ADCY2: variants seen among roughly 807,000 people sequenced by gnomAD.
ADCY2 encodes adenylate cyclase 2.
In ADCY2, 31 loss-of-function variants were observed where a neutral mutation model predicts 125.2. The ratio of observed to expected loss-of-function variants is 0.25; its 90% CI spans 0.19 to 0.33. The LOEUF (loss-of-function observed/expected upper bound fraction) is 0.33. ADCY2 is among the 10% of genes least tolerant of loss of function. The pLI, the probability that ADCY2 is intolerant of heterozygous loss-of-function variation, is 1.00. For synonymous variants in ADCY2, 512 were observed against 548.4 expected (o/e 0.93, Z 0.93); for missense variants, 904 against 1,418.2 (o/e 0.64, Z 5.82).
chr5:7,414,962 G>A (rs1186226764), intron 2 of ADCY2, among the ~76,000 whole-genome samples, 192 bp downstream of exon 2: 1 of 150,854 alleles, frequency 6.6e-6, no homozygotes, highest in Non-Finnish European at 1.5e-5. Flanking sequence ...TGGGGTACAA[G>A]GTATATGTAT....
intron 3 of ADCY2, among the ~76,000 whole-genome samples, chr5:7,623,321 G>A (rs1027094533): frequency 6.6e-6 from 1 of 152,200 alleles, no homozygotes; most frequent in African/African-American, 2.4e-5. Context: ...TAAGGAAGGA[G>A]TTAGTATTTT....
intron 3 of ADCY2, among the ~76,000 whole-genome samples, chr5:7,587,084 A>G (rs1248748385): frequency 6.6e-6 from 1 of 152,058 alleles, no homozygotes; most frequent in Non-Finnish European, 1.5e-5. Context: ...GAGTGTCTAG[A>G]GTTATAGACC....
chr5:7,479,687 T>G (rs1742656981), intron 2 of ADCY2, among the ~76,000 whole-genome samples: 1 of 152,130 alleles, frequency 6.6e-6, no homozygotes, highest in African/African-American at 2.4e-5. Context: ...TAGGTCTTAT[T>G]TATTCTTTAA....
chr5:7,623,805 A>T (rs1452730924), intron 3 of ADCY2, among the ~76,000 whole-genome samples: 8 of 152,174 alleles, frequency 5.3e-5, no homozygotes, highest in Admixed American at 5.2e-4. Context: ...CTGCACACAC[A>T]TCACTCAAGC....
intron 4 of ADCY2, among the ~76,000 whole-genome samples, chr5:7,629,273 G>T (rs2126661400): frequency 6.6e-6 from 1 of 152,304 alleles, no homozygotes; most frequent in African/African-American, 2.4e-5. Flanking sequence ...TCCTTGGAGA[G>T]GATACAGTGG....
At chr5:7,760,059 G>T (rs908119227) in intron 16 of ADCY2, among the ~76,000 whole-genome samples, 1 of 152,176 alleles carries the variant, frequency 6.6e-6, no homozygotes. Context: ...GACACACCAC[G>T]AGCCACAAGA....
rs903933252 is a variant in ADCY2 at position 7,488,736 on chromosome 5, C to T, written c.409-32002C>T. On this transcript the variant is annotated intron_variant, in intron 2 of 24. Transcript: ENST00000338316. ...AATGGGAATTTCTCCCAAGGCCCTT[C>T]CCACGAGGCCAGTGTCCTGAGCATT... Among the ~76,000 whole-genome samples, 9 of 152,156 alleles carry T rather than the reference C, an allele frequency of 5.9e-5. 1 individual carries two copies. The highest frequency in any genetic ancestry group is 5.2e-4 in the Admixed American group (8 of 15,284).
At chr5:7,552,178 G>T (rs147324073) in intron 3 of ADCY2, among the ~76,000 whole-genome samples, 3 of 152,194 alleles carry the variant, frequency 2.0e-5, no homozygotes, top group East Asian at 1.9e-4. Flanking sequence ...GTATAGAAAG[G>T]GTTCTTTCAT....
intron 3 of ADCY2, among the ~76,000 whole-genome samples, chr5:7,603,154 A>C (rs894329039): frequency 1.8e-4 from 27 of 152,186 alleles, no homozygotes; most frequent in Non-Finnish European, 2.9e-5. Flanking sequence ...CTTACCACAG[A>C]GGCCGTTCCT....
chr5:7,720,621 C>T (rs1741729010), intron 12 of ADCY2, among the ~76,000 whole-genome samples: 1 of 151,924 alleles, frequency 6.6e-6, no homozygotes, highest in African/African-American at 2.4e-5. Flanking sequence ...TGTTCAGTTC[C>T]CACCTATGAG....
chr5:7,668,748 C>T (rs1425832252), intron 4 of ADCY2, among the ~76,000 whole-genome samples: 1 of 152,110 alleles, frequency 6.6e-6, no homozygotes. Context: ...GTTTTCTTGT[C>T]TTTCATCTTC....
chr5:7,641,486 GAT>G (rs200440986), intron 4 of ADCY2, among the ~76,000 whole-genome samples: 1 of 151,816 alleles, frequency 6.6e-6, no homozygotes. Flanking sequence ...CCTTTGTCAA[GAT>G]ATATATATAT....
intron 2 of ADCY2, among the ~76,000 whole-genome samples, chr5:7,443,606 C>A (rs1741096070): frequency 7.9e-6 from 1 of 127,278 alleles, no homozygotes; most frequent in Non-Finnish European, 1.6e-5. Context: ...CGCCACTGCA[C>A]TCCAGCCTGG....
intron 2 of ADCY2, among the ~76,000 whole-genome samples, chr5:7,424,400 C>T (rs1740315989): frequency 6.6e-6 from 1 of 152,264 alleles, no homozygotes; most frequent in South Asian, 2.1e-4. Context: ...CAAAGTCACA[C>T]AGTGAGGAAG....
At chr5:7,756,715 A>G (rs6420055) in intron 15 of ADCY2, among the ~76,000 whole-genome samples, 151,385 of 152,294 alleles carry the variant, frequency 0.99, 75,246 homozygotes, top group Middle Eastern at 1. Context: ...ATGGGTATAG[A>G]GTTTCAATTT....
intron 3 of ADCY2, among the ~76,000 whole-genome samples, chr5:7,608,173 C>T (rs771886855): frequency 3.9e-5 from 6 of 152,126 alleles, no homozygotes; most frequent in Admixed American, 6.5e-5. Flanking sequence ...TATGACTATC[C>T]GATAGACCAG....
At chr5:7,564,910 C>T (rs1735841089) in intron 3 of ADCY2, among the ~76,000 whole-genome samples, 1 of 152,200 alleles carries the variant, frequency 6.6e-6, no homozygotes, top group South Asian at 2.1e-4. Flanking sequence ...AAAGCATCAT[C>T]GGAGACAACA....
At chr5:7,409,677 A>C (rs1739636882) in intron 1 of ADCY2, among the ~76,000 whole-genome samples, 1 of 152,192 alleles carries the variant, frequency 6.6e-6, no homozygotes, top group Admixed American at 6.5e-5. Context: ...AATTAGGCCA[A>C]GATTACTAAT....
chr5:7,502,998 T>C (rs149668740), intron 2 of ADCY2, among the ~76,000 whole-genome samples: 7 of 152,348 alleles, frequency 4.6e-5, no homozygotes, highest in Admixed American at 3.3e-4. Flanking sequence ...CTGCAACTCC[T>C]GTGCCTTTGT....
Sources: allele counts gnomAD v4.1 joint callset (sites outside exome capture counted in the v4.1 genomes callset), GRCh38; gene constraint gnomAD v4.1.1; transcripts MANE v1.5; gene names NCBI Gene and HGNC (gene_info 2026-07-23, HGNC 2026-07-21).